The following CEP112 variants were observed in gnomAD, a reference collection of about 807,000 sequenced individuals.
CEP112 encodes centrosomal protein of 112 kDa.
CEP112 carries 127 observed loss-of-function variants against 153.0 expected under a neutral mutation model. The observed-to-expected ratio is 0.83, with a 90% CI of 0.72 to 0.96. The LOEUF (loss-of-function observed/expected upper bound fraction) is 0.96, where lower values mean the gene tolerates loss of function less well. Ranked by LOEUF, CEP112 falls within the 40% of genes least tolerant of loss-of-function variation. CEP112 has a pLI of 0.00. For synonymous variants in CEP112, 358 were observed against 374.4 expected (o/e 0.96, Z 0.51); for missense variants, 1,089 against 1,101.2 (o/e 0.99, Z 0.16).
At chr17:65,702,320 A>G (rs2048684815) in intron 23 of CEP112, among the ~76,000 whole-genome samples, 1 of 152,144 alleles carries the variant, frequency 6.6e-6, no homozygotes, top group South Asian at 2.1e-4. Flanking sequence ...TTATCCTGTC[A>G]AGGTTAAAAT....
chr17:65,966,054 G>A (rs1173874109), intron 17 of CEP112, among the ~76,000 whole-genome samples: 1 of 151,856 alleles, frequency 6.6e-6, no homozygotes, highest in Non-Finnish European at 1.5e-5. Flanking sequence ...TTTCCCAGTG[G>A]AACTAGTTGT....
At chr17:66,069,473 A>G (rs1024891135) in intron 9 of CEP112, among the ~76,000 whole-genome samples, 3 of 152,154 alleles carry the variant, frequency 2.0e-5, no homozygotes, top group African/African-American at 7.2e-5. Flanking sequence ...TGTCAGTGCC[A>G]GCACTAAAAT....
chr17:66,014,662 C>T (rs756470876), intron 16 of CEP112, among the ~76,000 whole-genome samples: 42 of 152,140 alleles, frequency 2.8e-4, no homozygotes, highest in Admixed American at 1.3e-4. Context: ...GCAAGAGCAG[C>T]TCACTCCTTG....
At chr17:66,074,452 G>GT (rs771787215) in intron 8 of CEP112, among the ~76,000 whole-genome samples, 12 of 152,250 alleles carry the variant, frequency 7.9e-5, no homozygotes, top group Middle Eastern at 3.4e-3. Context: ...AATTTCCCAA[G>GT]TTTGATAAAA....
chr17:65,813,809 G>A (rs1003615136), intron 21 of CEP112, among the ~76,000 whole-genome samples: 2 of 152,186 alleles, frequency 1.3e-5, no homozygotes, highest in Non-Finnish European at 2.9e-5. Flanking sequence ...ATTTATTTGA[G>A]CACAAGGAAG....
intron 11 of CEP112, among the ~76,000 whole-genome samples, chr17:66,058,618 G>C (rs1206077707): frequency 6.6e-6 from 1 of 152,126 alleles, no homozygotes; most frequent in East Asian, 1.9e-4. Context: ...GGGAGGCTGA[G>C]GCAGGAGGAT....
chr17:66,125,009 C>T (rs1400413389), intron 6 of CEP112, among the ~76,000 whole-genome samples: 1 of 152,078 alleles, frequency 6.6e-6, no homozygotes, highest in Non-Finnish European at 1.5e-5. Flanking sequence ...GCTATAAATA[C>T]TGTTACGGCT....
intron 6 of CEP112, among the ~76,000 whole-genome samples, chr17:66,123,830 G>A (rs1259321960): frequency 6.6e-6 from 1 of 152,002 alleles, no homozygotes; most frequent in East Asian, 1.9e-4. Context: ...CTAAATATTT[G>A]TGGATTTCCC....
chr17:65,761,839 T>C (rs1384455936), intron 21 of CEP112, among the ~76,000 whole-genome samples: 1 of 152,072 alleles, frequency 6.6e-6, no homozygotes, highest in East Asian at 1.9e-4. Flanking sequence ...ATGGTCCATG[T>C]GAGGTTGCAA....
intron 10 of CEP112, among the ~76,000 whole-genome samples, chr17:66,064,922 T>C (rs1479945062): frequency 6.6e-6 from 1 of 152,214 alleles, no homozygotes. Context: ...GAAATGAACC[T>C]ACAAATATTT....
In CEP112 at chr17:65,697,797, AT is replaced by A. The variant is rs926254629; in HGVS notation, c.2608-8580del. The stretch of plus-strand genomic sequence containing the variant: ...GCCACTCAAGATTTCTTTTAAAGCG[AT>A]TTCTTCATTCAGACCTACCCAGGAT... On this transcript the variant is annotated intron_variant, in intron 23 of 26. Transcript: ENST00000535342. Among the ~76,000 whole-genome samples, 69 of 152,182 alleles carry A rather than the reference AT, an allele frequency of 4.5e-4. 2 individuals are homozygous for A. Among genetic ancestry groups the A allele is most frequent in the Non-Finnish European group, 1.2e-4 (8 of 68,024 alleles).
intron 6 of CEP112, among the ~76,000 whole-genome samples, chr17:66,108,663 T>C (rs767485649): frequency 3.3e-5 from 5 of 152,120 alleles, no homozygotes; most frequent in African/African-American, 7.2e-5. Flanking sequence ...ACAGTGTTAA[T>C]AGGAATGCAA....
chr17:65,960,358 A>G (rs1338438878), intron 18 of CEP112, among the ~76,000 whole-genome samples: 7 of 152,258 alleles, frequency 4.6e-5, no homozygotes, highest in African/African-American at 1.7e-4. Context: ...TTAAAAAAAC[A>G]AAAAAACATT....
chr17:66,166,326 C>A (rs1001306872), intron 4 of CEP112, among the ~76,000 whole-genome samples: 12 of 152,136 alleles, frequency 7.9e-5, no homozygotes, highest in Non-Finnish European at 1.2e-4. Context: ...CTCCTCTTCA[C>A]CCTACCCTAA....
Position 65,966,385 on chromosome 17 carries a change from A to G in CEP112, c.1737-4787T>C, listed in dbSNP as rs149083184. The stretch of plus-strand genomic sequence containing the variant: ...TGTACAGGTGAACCTTAATTTGAAA[A>G]TCTTCCTTTTGCACATTTCTGTTCC... On this transcript the variant is annotated intron_variant, in intron 17 of 26. Transcript: ENST00000535342. Among the ~76,000 whole-genome samples, 7 of 152,302 alleles carry G rather than the reference A, an allele frequency of 4.6e-5. No individual in the cohort carries two copies. The East Asian group carries it at 1.2e-3, about 25-fold the overall frequency.
chr17:65,649,073 A>ACACACACACAC (rs2045597016), intron 24 of CEP112, among the ~76,000 whole-genome samples: 7 of 139,864 alleles, frequency 5.0e-5, no homozygotes, highest in Non-Finnish European at 1.1e-4. Context: ...CAAACAAACA[A>ACACACACACAC]ACACACACAC....
intron 21 of CEP112, among the ~76,000 whole-genome samples, chr17:65,791,334 G>A (rs765752902): frequency 1.2e-4 from 19 of 152,128 alleles, no homozygotes; most frequent in Non-Finnish European, 2.5e-4. Flanking sequence ...GGAGAAAAAC[G>A]CTTTTGAGCT....
At chr17:65,655,477 A>G in intron 24 of CEP112, 1 of 813,760 alleles carries the variant, frequency 1.2e-6, no homozygotes, top group Non-Finnish European at 2.1e-6. Context: ...ATGTACTCTT[A>G]GCAGCTCACA....
intron 21 of CEP112, among the ~76,000 whole-genome samples, chr17:65,835,380 A>G (rs1000330763): frequency 1.3e-5 from 2 of 152,136 alleles, no homozygotes; most frequent in Non-Finnish European, 2.9e-5. Flanking sequence ...TTTAACCCAA[A>G]GGGGAAATCC....
Sources: allele counts gnomAD v4.1 joint callset (sites outside exome capture counted in the v4.1 genomes callset), GRCh38; gene constraint gnomAD v4.1.1; transcripts MANE v1.5; gene names NCBI Gene and HGNC (gene_info 2026-07-23, HGNC 2026-07-21).